Variants in VASP observed in about 807,000 individuals in gnomAD.
VASP encodes the protein vasodilator stimulated phosphoprotein.
VASP carries 27 observed loss-of-function variants against 54.4 expected under a neutral mutation model. The ratio of observed to expected loss-of-function variants is 0.50; its 90% CI spans 0.37 to 0.68. The LOEUF is 0.68. Among genes scored for constraint, VASP ranks in the 30% least tolerant of loss-of-function variants. VASP has a pLI of 0.00. For synonymous variants in VASP, 233 were observed against 209.8 expected, an observed-to-expected ratio of 1.11 and a Z score of -0.96; for missense variants, 488 against 528.3, an observed-to-expected ratio of 0.92 and a Z score of 0.75.
chr19:45,522,590 C>T lies in VASP; in HGVS notation c.720+9C>T. ...TCAGGAAAGTCAGCAAGGTGAGGGG[C>T]CGGGAGAGGTGGGCAGGGGGCAACA... is the stretch of plus-strand genomic sequence containing the variant. On this transcript the variant is annotated intron_variant, in intron 6 of 12. Coordinates refer to ENST00000245932, the MANE Select transcript of VASP (RefSeq NM_003370.4). 1 of 1,477,682 alleles carries T rather than the reference C, an allele frequency of 6.8e-7. No individual in the cohort carries two copies. 91.5% of individuals were successfully genotyped at this position (1,477,682 alleles called of 1,614,324 possible). A position where few individuals can be genotyped will look rare whatever the true frequency, so the allele number is the denominator to read the frequency against.
In VASP at chr19:45,517,801, C is replaced by A. The variant is rs778694340; in HGVS notation, c.144C>A (p.Arg48=). 11 of 1,613,716 alleles carry A rather than the reference C, an allele frequency of 6.8e-6. No homozygotes were observed. Among genetic ancestry groups the A allele is most frequent in the African/African-American group, 5.3e-5 (4 of 74,922 alleles). The part of the protein sequence containing the change: ...IYHNPTANSF[R]VVGRKMQPDQ... ...ACAACCCCACGGCCAATTCCTTTCG[C>A]GTCGTGGGCCGGAAGATGCAGCCCG... The change falls in exon 2 of 13, where the codon CGC becomes CGA. Residue 48 remains arginine (R), a synonymous_variant. Transcript: ENST00000245932.
intron 12 of VASP, 38 bp downstream of exon 12, chr19:45,526,041 A>G: frequency 6.2e-7 from 1 of 1,612,926 alleles, no homozygotes; most frequent in Non-Finnish European, 8.5e-7. Context: ...TTAAACATTT[A>G]CTTATTTTGG....
Position 45,521,344 on chromosome 19 carries a change from A to T in VASP, c.366A>T (p.Pro122=). The change falls in exon 4 of 13, where the codon CCA becomes CCT. Residue 122 remains proline, a synonymous_variant. Coordinates refer to ENST00000245932, the MANE Select transcript of VASP (RefSeq NM_003370.4). The stretch of plus-strand genomic sequence containing the variant: ...CAGGAGGTGGGCCCCCTCCACCCCC[A>T]GCACTTCCCACCTGGTCGGTCCCGA... ...ALEGGGPPPP[P]ALPTWSVPNG... is the part of the protein sequence containing the mutation. The T allele has an allele frequency of 3.2e-6, 5 of 1,581,700 alleles. No homozygotes were observed. Among genetic ancestry groups the T allele is most frequent in the Non-Finnish European group, 4.3e-6 (5 of 1,163,954 alleles).
At chr19:45,521,254 A>C (rs1487212191) in intron 3 of VASP, 68 bp from the exon 4 acceptor site, 2 of 1,459,024 alleles carry the variant, frequency 1.4e-6, no homozygotes, top group African/African-American at 1.4e-5. Context: ...CTGGGAGAGC[A>C]AGGGAAGCGC....
chr19:45,519,647 G>A (rs1395700692), intron 3 of VASP, among the ~76,000 whole-genome samples: 1 of 146,024 alleles, frequency 6.8e-6, no homozygotes, highest in East Asian at 2.0e-4. Context: ...CCAGGTTGGA[G>A]TGCAGTGGCG....
rs1360910670 is a variant in VASP at position 45,526,220 on chromosome 19, G to A, written c.*43G>A. On this transcript the variant is annotated 3_prime_UTR_variant, in exon 13 of 13. Transcript: ENST00000245932. ...ACCCGCTTCTCCTTTCCGCACACCC[G>A]GCCTGTCACCCTGCTTTCCCTGCCT... The A allele has an allele frequency of 1.9e-6, 3 of 1,582,530 alleles. No individual in the cohort carries two copies. The highest frequency in any genetic ancestry group is 2.6e-6 in the Non-Finnish European group (3 of 1,169,808).
intron 11 of VASP, 143 bp downstream of exon 11, chr19:45,524,803 G>T (rs926427040): frequency 5.2e-6 from 4 of 763,476 alleles, no homozygotes; most frequent in East Asian, 5.6e-5. Context: ...TTGGGTCAAG[G>T]ATGACCGAGA....
At chr19:45,515,475 T>C (rs1968683262) in intron 1 of VASP, among the ~76,000 whole-genome samples, 1 of 152,216 alleles carries the variant, frequency 6.6e-6, no homozygotes, top group East Asian at 1.9e-4. Flanking sequence ...GTGGTGCCCA[T>C]GAGAGGGATG....
chr19:45,524,521 G>A lies in VASP; in HGVS notation c.957-49G>A, dbSNP rs1968916979. 4 of 1,564,360 alleles carry A rather than the reference G, an allele frequency of 2.6e-6. No individual in the cohort carries two copies. The African/African-American group carries it at 4.1e-5, about 16-fold the overall frequency. On this transcript the variant is annotated intron_variant, in intron 10 of 12. Transcript: ENST00000245932. ...CCTGGAATAGGAGGCGGGGAAGCAG[G>A]TCCTCTCTCTAATCTCATTGCTGTC...
At chr19:45,521,679 A>G (rs556495020) in intron 4 of VASP, among the ~76,000 whole-genome samples, 1 of 152,252 alleles carries the variant, frequency 6.6e-6, no homozygotes, top group East Asian at 1.9e-4. Context: ...GCCTGAGGTC[A>G]GGAGTTTGAG....
chr19:45,515,776 G>T (rs537298946), intron 1 of VASP, among the ~76,000 whole-genome samples: 2 of 152,104 alleles, frequency 1.3e-5, no homozygotes. Context: ...GAGCTCAAGC[G>T]ATCCATTCAC....
rs1683310874 is a variant in VASP, at chr19:45,521,692, C to G, written c.428+286C>G. 4.6e-5 allele frequency among the ~76,000 whole-genome samples: 7 copies of G among 152,088 alleles called. No individual in the cohort carries two copies. In the South Asian group the frequency reaches 1.2e-3, roughly 27 times the overall value. ...TCGCCTGAGGTCAGGAGTTTGAGAC[C>G]AGCCTGGCCAACATGGCGAAATCCC... On this transcript the variant is annotated intron_variant, in intron 4 of 12. Transcript: ENST00000245932.
At chr19:45,514,363 T>A (rs1968659769) in intron 1 of VASP, among the ~76,000 whole-genome samples, 1 of 150,988 alleles carries the variant, frequency 6.6e-6, no homozygotes, top group South Asian at 2.1e-4. Context: ...AGAAGAGACA[T>A]CCCACCTTGT....
At chr19:45,525,861 T>G in intron 11 of VASP, 85 bp from the exon 12 acceptor site, 19 of 1,366,718 alleles carry the variant, frequency 1.4e-5, no homozygotes, top group Non-Finnish European at 1.9e-5. Flanking sequence ...AGAGCAAGGT[T>G]CCTTCTCAAA....
chr19:45,516,355 G>A (rs538642488), intron 1 of VASP, among the ~76,000 whole-genome samples: 82 of 152,352 alleles, frequency 5.4e-4, no homozygotes, highest in Non-Finnish European at 5.7e-4. Flanking sequence ...GGTGGGCAGC[G>A]GGAAGTCCCT....
At chr19:45,524,425 A>C in intron 10 of VASP, 145 bp from the exon 11 acceptor site, 1 of 679,032 alleles carries the variant, frequency 1.5e-6, no homozygotes, top group Non-Finnish European at 2.4e-6. Flanking sequence ...ACCAAAACCA[A>C]AAAAAAAAAA....
Position 45,507,823 on chromosome 19 carries a change from G to T in VASP, c.5+47G>T, listed in dbSNP as rs1339007167. ...ACCCGTCCCCGCCCGGGCGGGCTCCGCGCCCCGCCTTTGTCCCCCTCCCCC... is the reference window on the plus strand; with the variant it reads ...ACCCGTCCCCGCCCGGGCGGGCTCCTCGCCCCGCCTTTGTCCCCCTCCCCC... On this transcript the variant is annotated intron_variant, in intron 1 of 12. Transcript: ENST00000245932. This position sits in a 1 kb window ranked among gnomAD's most constrained non-coding sequence, Gnocchi z 4.4. 1 of 1,202,522 alleles carries T rather than the reference G, an allele frequency of 8.3e-7. No individual in the cohort carries two copies. Among genetic ancestry groups the T allele is most frequent in the African/African-American group, 1.7e-5 (1 of 59,044 alleles). 74.5% of individuals were successfully genotyped at this position (1,202,522 alleles called of 1,614,324 possible).
intron 3 of VASP, among the ~76,000 whole-genome samples, chr19:45,519,289 C>CA (rs1968774403): frequency 6.6e-6 from 1 of 152,110 alleles, no homozygotes; most frequent in African/African-American, 2.4e-5. Context: ...GCTGGGATTA[C>CA]AGGCATGAGA....
chr19:45,524,959 C>T (rs1340151295), intron 11 of VASP: 1 of 328,546 alleles, frequency 3.0e-6, no homozygotes, highest in Non-Finnish European at 6.0e-6. Flanking sequence ...AATGCGCTTG[C>T]CAACCTTGGT....
Sources: gnomAD v4.1 joint callset for allele counts (sites outside exome capture counted in the v4.1 genomes callset) on GRCh38, gnomAD v4.1.1 for gene constraint, Gnocchi (gnomAD v3.1) non-coding constraint, MANE v1.5 for transcripts, NCBI Gene and HGNC (gene_info 2026-07-23, HGNC 2026-07-21) for gene names.